The following EMP2 variants were observed in gnomAD, a reference collection of about 807,000 sequenced individuals.
EMP2 encodes the protein epithelial membrane protein 2.
EMP2 carries 19 observed loss-of-function variants against 13.7 expected under a neutral mutation model. That is an observed-to-expected ratio of 1.38 (90% CI 0.97 to 2.03). EMP2 has a LOEUF of 2.03. Among genes scored for constraint, EMP2 ranks in the 30% most tolerant of loss-of-function variants. The pLI is 0.00. For missense variants in EMP2, 253 were observed against 220.7 expected, an observed-to-expected ratio of 1.15 and a Z score of -0.93; for synonymous variants, 97 against 84.7, an observed-to-expected ratio of 1.15 and a Z score of -0.80.
At chr16:10,546,585 G>A (rs760018773) in intron 2 of EMP2, 1 of 152,178 alleles carries the variant, frequency 6.6e-6, no homozygotes, top group Non-Finnish European at 1.5e-5. Flanking sequence ...TGATAAGGAG[G>A]TGTCAGGGGT....
chr16:10,552,894 T>C (rs928871909), intron 1 of EMP2, among the ~76,000 whole-genome samples: 1 of 152,190 alleles, frequency 6.6e-6, no homozygotes, highest in Admixed American at 6.5e-5. Context: ...GAGAAAGGGA[T>C]ACGTTTTCAA....
intron 1 of EMP2, among the ~76,000 whole-genome samples, chr16:10,578,561 G>A (rs965328324): frequency 1.3e-5 from 2 of 152,166 alleles, no homozygotes; most frequent in Non-Finnish European, 1.5e-5. Context: ...TCCAGCCCGA[G>A]GTGGGGCAGT....
At chr16:10,563,915 G>A (rs1039686583) in intron 1 of EMP2, among the ~76,000 whole-genome samples, 4 of 152,244 alleles carry the variant, frequency 2.6e-5, no homozygotes, top group African/African-American at 4.8e-5. Context: ...CCCCCAAATT[G>A]GGGCTTCACC....
chr16:10,575,186 G>A (rs994470791), intron 1 of EMP2, among the ~76,000 whole-genome samples: 2 of 148,098 alleles, frequency 1.4e-5, no homozygotes, highest in Non-Finnish European at 3.0e-5. Context: ...ACCACATATG[G>A]TGGGCTTCCC....
At chr16:10,551,874 T>C (rs1875930) in intron 1 of EMP2, among the ~76,000 whole-genome samples, 3,567 of 152,194 alleles carry the variant, frequency 0.023, 129 homozygotes, top group African/African-American at 0.079. Flanking sequence ...TCAAGGCTCA[T>C]GGGCTCATAC....
chr16:10,534,358 A>C (rs529120605), intron 4 of EMP2, among the ~76,000 whole-genome samples: 9 of 152,342 alleles, frequency 5.9e-5, no homozygotes, highest in African/African-American at 2.2e-4. Flanking sequence ...AGCTCTAGAA[A>C]CTTTTCTACC....
chr16:10,571,793 G>T (rs1226265718), intron 1 of EMP2, among the ~76,000 whole-genome samples: 1 of 152,226 alleles, frequency 6.6e-6, no homozygotes. Context: ...ATTCCAGAAG[G>T]ACTGAAGGTT....
chr16:10,554,078 C>T (rs902308983), intron 1 of EMP2, among the ~76,000 whole-genome samples: 5 of 149,434 alleles, frequency 3.3e-5, no homozygotes, highest in Admixed American at 1.3e-4. Flanking sequence ...GTCACCCAGG[C>T]TGGAGTGCAG....
At chr16:10,559,874 C>T (rs1287930978) in intron 1 of EMP2, among the ~76,000 whole-genome samples, 1 of 152,082 alleles carries the variant, frequency 6.6e-6, no homozygotes, top group Non-Finnish European at 1.5e-5. Context: ...GGAGTGTCAC[C>T]ATGTTGGCCA....
intron 1 of EMP2, among the ~76,000 whole-genome samples, chr16:10,552,614 G>A (rs1263685447): frequency 1.3e-5 from 2 of 152,186 alleles, no homozygotes; most frequent in Non-Finnish European, 2.9e-5. Flanking sequence ...ATCATTCTGA[G>A]TTTATTGTAT....
chr16:10,538,116 C>T (rs1354052403), intron 3 of EMP2, 42 bp from the exon 4 acceptor site: 3 of 1,606,336 alleles, frequency 1.9e-6, no homozygotes, highest in Non-Finnish European at 2.6e-6. Flanking sequence ...GGACCTTGGC[C>T]AGCCGGCACT....
At chr16:10,539,304 G>A (rs1170848404) in intron 3 of EMP2, among the ~76,000 whole-genome samples, 1 of 152,140 alleles carries the variant, frequency 6.6e-6, no homozygotes, top group Non-Finnish European at 1.5e-5. Flanking sequence ...TCACTGGAGT[G>A]AACATAATTG....
In EMP2 at chr16:10,543,619, T is replaced by A. The variant is rs1308175125; in HGVS notation, c.120A>T (p.Arg40Ser). 1 of 1,614,204 alleles carries A rather than the reference T, an allele frequency of 6.2e-7. No homozygotes were observed. The highest frequency in any genetic ancestry group is 8.5e-7 in the Non-Finnish European group (1 of 1,180,034). ...VGDEFFADVWRICTNNTNCTV... is the reference protein window; with the variant it reads ...VGDEFFADVWSICTNNTNCTV... ...TGCAATTCGTGTTGTTGGTACATAT[T>A]CTCCAGACATCTGCAAAAAACTCAT... Residue 40 changes from arginine to serine, a missense_variant, in exon 3 of 5, where the codon AGA becomes AGT. By Grantham distance (110) the Arg-to-Ser change is moderately radical. Transcript: ENST00000359543.
At chr16:10,575,145 C>T (rs751007020) in intron 1 of EMP2, among the ~76,000 whole-genome samples, 35 of 151,576 alleles carry the variant, frequency 2.3e-4, no homozygotes, top group Non-Finnish European at 4.7e-4. Context: ...AGCCCATCTC[C>T]AACACTACAG....
At chr16:10,572,709 G>A (rs1308229839) in intron 1 of EMP2, among the ~76,000 whole-genome samples, 1 of 152,012 alleles carries the variant, frequency 6.6e-6, no homozygotes, top group South Asian at 2.1e-4. Context: ...GCACCTCCTC[G>A]ACCCTCCACA....
chr16:10,574,753 T>C (rs967521680), intron 1 of EMP2, among the ~76,000 whole-genome samples: 1 of 151,882 alleles, frequency 6.6e-6, no homozygotes, highest in Non-Finnish European at 1.5e-5. Context: ...GGTTTCACCA[T>C]GTTAGCCAGG....
chr16:10,578,779 A>G (rs2051002138), intron 1 of EMP2, among the ~76,000 whole-genome samples: 1 of 152,172 alleles, frequency 6.6e-6, no homozygotes, highest in Admixed American at 6.5e-5. Flanking sequence ...TCCCCATGGG[A>G]TGGAGGTGGT....
rs878927571 is a variant in EMP2 at position 10,532,758 on chromosome 16, CTTTTTTTTTTTT to C, written c.*135_*146del. ...CTTTTGGATTTTTTTTTTCTTTTTT[CTTTTTTTTTTTT>C]TTTTTTTTTTTTTTTTGGCTTTTAA... On this transcript the variant is annotated 3_prime_UTR_variant, in exon 5 of 5. Coordinates refer to ENST00000359543, the MANE Select transcript of EMP2 (RefSeq NM_001424.6). 74 of 184,628 alleles carry C rather than the reference CTTTTTTTTTTTT, an allele frequency of 4.0e-4. 2 individuals are homozygous for C. Among genetic ancestry groups the C allele is most frequent in the East Asian group, 1.4e-3 (12 of 8,644 alleles). 11.4% of individuals were successfully genotyped at this position (184,628 alleles called of 1,614,324 possible).
At chr16:10,554,571 G>A (rs1014181313) in intron 1 of EMP2, among the ~76,000 whole-genome samples, 4 of 152,190 alleles carry the variant, frequency 2.6e-5, no homozygotes, top group African/African-American at 4.8e-5. Flanking sequence ...TGTGTTGGAT[G>A]AAGACTGGTC....
Sources: allele counts gnomAD v4.1 joint callset (sites outside exome capture counted in the v4.1 genomes callset), GRCh38; gene constraint gnomAD v4.1.1; transcripts MANE v1.5; gene names NCBI Gene and HGNC (gene_info 2026-07-23, HGNC 2026-07-21).